The following PKP4 variants were observed in gnomAD, a reference collection of about 807,000 sequenced individuals.
The protein encoded by PKP4 is plakophilin 4.
A neutral mutation model predicts 145.1 loss-of-function variants in PKP4; 90 were observed. That is an observed-to-expected ratio of 0.62 (90% CI 0.52 to 0.74). The LOEUF (loss-of-function observed/expected upper bound fraction) is 0.74, where lower values mean the gene tolerates loss of function less well. Ranked by LOEUF, PKP4 falls within the 30% of genes least tolerant of loss-of-function variation. The pLI, the probability that PKP4 is intolerant of heterozygous loss-of-function variation, is 0.00. For synonymous variants in PKP4, 563 were observed against 577.2 expected, an observed-to-expected ratio of 0.98 and a Z score of 0.35; for missense variants, 1,340 against 1,482.7, an observed-to-expected ratio of 0.90 and a Z score of 1.58.
chr2:158,638,648 G>A (rs1457885918), intron 9 of PKP4, among the ~76,000 whole-genome samples: 3 of 152,210 alleles, frequency 2.0e-5, no homozygotes, highest in Admixed American at 2.0e-4. Context: ...TGCAGGTGGG[G>A]TGAGGGGATA....
At chr2:158,486,865 C>T (rs1274315597) in intron 1 of PKP4, among the ~76,000 whole-genome samples, 1 of 152,192 alleles carries the variant, frequency 6.6e-6, no homozygotes, top group African/African-American at 2.4e-5. Flanking sequence ...AAACGTGAGT[C>T]CAATGACAGT....
intron 2 of PKP4, among the ~76,000 whole-genome samples, chr2:158,536,258 A>T (rs959443523): frequency 6.6e-6 from 1 of 152,224 alleles, no homozygotes; most frequent in African/African-American, 2.4e-5. Flanking sequence ...TCTCACAAAA[A>T]CTGTATACAT....
chr2:158,459,871 C>T (rs1004701049), intron 1 of PKP4, among the ~76,000 whole-genome samples: 4 of 151,982 alleles, frequency 2.6e-5, no homozygotes, highest in African/African-American at 9.7e-5. Context: ...GTAAAGGTAA[C>T]CTTTCAGTTA....
At chr2:158,637,427 C>T (rs757531432) in intron 9 of PKP4, among the ~76,000 whole-genome samples, 3 of 152,126 alleles carry the variant, frequency 2.0e-5, no homozygotes, top group Non-Finnish European at 4.4e-5. Context: ...CTAAGGACTT[C>T]GGATAGTCCA....
intron 3 of PKP4, chr2:158,588,994 C>T (rs2049031224): frequency 6.6e-6 from 1 of 152,062 alleles, no homozygotes; most frequent in African/African-American, 2.4e-5. Context: ...AAATGTATGC[C>T]TGTATTTTAT....
intron 17 of PKP4, among the ~76,000 whole-genome samples, chr2:158,670,589 C>T (rs2057469743): frequency 6.6e-6 from 1 of 152,192 alleles, no homozygotes; most frequent in Non-Finnish European, 1.5e-5. Context: ...TGAGAAAAAT[C>T]TAGGGGGCAC....
intron 16 of PKP4, among the ~76,000 whole-genome samples, chr2:158,667,040 TG>T (rs2057156908): frequency 4.1e-5 from 2 of 48,386 alleles, no homozygotes; most frequent in Admixed American, 7.5e-4. Context: ...ATTTCCACCC[TG>T]GGCAGGGGCA....
intron 2 of PKP4, among the ~76,000 whole-genome samples, chr2:158,538,941 G>T (rs1298833215): frequency 6.6e-6 from 1 of 152,154 alleles, no homozygotes; most frequent in Non-Finnish European, 1.5e-5. Context: ...GGTAAGCAAA[G>T]AATAGATTTG....
chr2:158,571,283 A>G (rs144743995), intron 2 of PKP4, among the ~76,000 whole-genome samples: 22 of 152,356 alleles, frequency 1.4e-4, no homozygotes, highest in African/African-American at 4.6e-4. Flanking sequence ...ATTTGGAAGC[A>G]TAATGGTCTT....
intron 6 of PKP4, among the ~76,000 whole-genome samples, chr2:158,623,376 CCTCA>C (rs749878410): frequency 2.6e-5 from 4 of 151,940 alleles, no homozygotes; most frequent in Admixed American, 6.6e-5. Context: ...AGAGGCTGGG[CCTCA>C]CTATGTTGCC....
chr2:158,491,295 G>A (rs1694898574), intron 1 of PKP4, among the ~76,000 whole-genome samples: 1 of 152,128 alleles, frequency 6.6e-6, no homozygotes, highest in African/African-American at 2.4e-5. Context: ...CTGCATCATA[G>A]ACTATCAGTA....
At chr2:158,673,589 G>T (rs1040917919) in intron 17 of PKP4, 88 bp from the exon 18 acceptor site, 5 of 949,626 alleles carry the variant, frequency 5.3e-6, no homozygotes, top group African/African-American at 4.8e-5. Flanking sequence ...GCGATGGCCT[G>T]TTGGCCACTG....
At chr2:158,577,036 A>G (rs892638765) in intron 2 of PKP4, among the ~76,000 whole-genome samples, 1 of 152,166 alleles carries the variant, frequency 6.6e-6, no homozygotes, top group Non-Finnish European at 1.5e-5. Context: ...AGGCAAATAA[A>G]GATCTACATG....
intron 4 of PKP4, among the ~76,000 whole-genome samples, chr2:158,619,229 A>G (rs2051955528): frequency 6.6e-6 from 1 of 152,252 alleles, no homozygotes; most frequent in South Asian, 2.1e-4. Flanking sequence ...TAGAAGATGT[A>G]CAAGTAAAGC....
Position 158,661,463 on chromosome 2 carries a change from C to T in PKP4, c.2211+13C>T. 3 of 1,560,550 alleles carry T rather than the reference C, an allele frequency of 1.9e-6. No homozygotes were observed. Reference sequence around the variant, plus strand: ...TTACGACAGCAAGGTCAGTGCCGGCCTGGTTGCAGGAGGGCGTGGTGGCAG... The same window carrying T: ...TTACGACAGCAAGGTCAGTGCCGGCTTGGTTGCAGGAGGGCGTGGTGGCAG... On this transcript the variant is annotated intron_variant, in intron 13 of 21. Transcript: ENST00000389759.
chr2:158,595,405 G>A (rs1277105311), intron 3 of PKP4, among the ~76,000 whole-genome samples: 1 of 152,240 alleles, frequency 6.6e-6, no homozygotes, highest in Non-Finnish European at 1.5e-5. Flanking sequence ...TGAATGCCTG[G>A]TCTTAATAAG....
intron 1 of PKP4, among the ~76,000 whole-genome samples, chr2:158,501,172 A>G (rs1271811976): frequency 1.3e-5 from 2 of 152,144 alleles, no homozygotes; most frequent in Non-Finnish European, 2.9e-5. Flanking sequence ...CCAGGCCTTA[A>G]TACTCTCTGG....
intron 3 of PKP4, among the ~76,000 whole-genome samples, chr2:158,581,917 G>C (rs1267878910): frequency 1.3e-5 from 2 of 152,120 alleles, no homozygotes; most frequent in Non-Finnish European, 2.9e-5. Context: ...CCTCATTTCT[G>C]ATGACTTTTC....
At chr2:158,638,846 A>G (rs535251903) in intron 9 of PKP4, among the ~76,000 whole-genome samples, 1 of 152,192 alleles carries the variant, frequency 6.6e-6, no homozygotes, top group Non-Finnish European at 1.5e-5. Context: ...AAGCAGATGT[A>G]TAGATTCCTG....
Sources: gnomAD v4.1 joint callset for allele counts (sites outside exome capture counted in the v4.1 genomes callset) on GRCh38, gnomAD v4.1.1 for gene constraint, MANE v1.5 for transcripts, NCBI Gene and HGNC (gene_info 2026-07-23, HGNC 2026-07-21) for gene names.